ESF1: variants seen among roughly 807,000 people sequenced by gnomAD.
The protein encoded by ESF1 is ESF1 nucleolar pre-rRNA processing protein.
In ESF1, 58 loss-of-function variants were observed where a neutral mutation model predicts 92.0. That is an observed-to-expected ratio of 0.63 (90% confidence interval 0.51 to 0.78). ESF1 has a LOEUF of 0.78. Among genes scored for constraint, ESF1 ranks in the 30% least tolerant of loss-of-function variants. ESF1 has a pLI of 0.00. For synonymous variants in ESF1, 321 were observed against 313.7 expected (o/e 1.02, Z -0.24); for missense variants, 922 against 989.1 (o/e 0.93, Z 0.91).
chr20:13,768,107 T>C (rs1379786611), intron 7 of ESF1, among the ~76,000 whole-genome samples: 1 of 152,242 alleles, frequency 6.6e-6, no homozygotes, highest in East Asian at 1.9e-4. Flanking sequence ...CTGAATTTTT[T>C]AGACTTTGCT....
chr20:13,779,961 C>T (rs1212967256), intron 2 of ESF1, among the ~76,000 whole-genome samples: 1 of 152,222 alleles, frequency 6.6e-6, no homozygotes, highest in East Asian at 1.9e-4. Flanking sequence ...ACAAATATCA[C>T]ACTGCAAGTC....
chr20:13,731,926 G>A (rs1395004312), intron 10 of ESF1, among the ~76,000 whole-genome samples: 1 of 152,200 alleles, frequency 6.6e-6, no homozygotes, highest in Non-Finnish European at 1.5e-5. Context: ...CGCCCAGGGA[G>A]GCATGGAAGC....
At chr20:13,777,101 T>G (rs573484629) in intron 2 of ESF1, among the ~76,000 whole-genome samples, 37 of 152,186 alleles carry the variant, frequency 2.4e-4, no homozygotes, top group Non-Finnish European at 4.1e-4. Flanking sequence ...GACTATACTG[T>G]AGAAAACTGA....
At position 13,725,548 on chromosome 20, in the gene ESF1, G is replaced by C. The variant is rs538536829; in HGVS notation, c.2038+2830C>G. Among the ~76,000 whole-genome samples the C allele has an allele frequency of 5.9e-5, 9 of 152,208 alleles. No individual in the cohort carries two copies. In the South Asian group the frequency reaches 1.9e-3, roughly 32 times the overall value. ...ACCTCTACCACCTCACCAAGTGTCT[G>C]TGAGCCACTACATTAATACTGTTCC... On this transcript the variant is annotated intron_variant, in intron 11 of 13. Coordinates refer to ENST00000617257, the MANE Select transcript of ESF1 (RefSeq NM_001276380.2).
chr20:13,717,948 T>A (rs2049841351), intron 12 of ESF1, among the ~76,000 whole-genome samples: 1 of 152,152 alleles, frequency 6.6e-6, no homozygotes, highest in African/African-American at 2.4e-5. Context: ...AAGTAAGTTT[T>A]TTTTTTGCTT....
At chr20:13,761,378 TAA>T (rs1204364763) in intron 8 of ESF1, among the ~76,000 whole-genome samples, 3 of 127,160 alleles carry the variant, frequency 2.4e-5, no homozygotes, top group Non-Finnish European at 5.1e-5. Flanking sequence ...AATGATCAAT[TAA>T]AAAAAAATAA....
At chr20:13,768,957 T>G (rs1979560043) in intron 7 of ESF1, among the ~76,000 whole-genome samples, 1 of 150,494 alleles carries the variant, frequency 6.6e-6, no homozygotes, top group South Asian at 2.1e-4. Flanking sequence ...AGTAATAAAC[T>G]ATTTCAATAG....
At chr20:13,734,153 A>G (rs2147734120) in intron 9 of ESF1, among the ~76,000 whole-genome samples, 1 of 152,314 alleles carries the variant, frequency 6.6e-6, no homozygotes, top group East Asian at 1.9e-4. Context: ...CTCAGCCTTC[A>G]TTTCTCTAAA....
intron 9 of ESF1, among the ~76,000 whole-genome samples, chr20:13,758,988 T>C (rs1979028627): frequency 1.3e-5 from 2 of 152,332 alleles, no homozygotes; most frequent in African/African-American, 4.8e-5. Context: ...TTAGGCACAG[T>C]AAGAGATTAA....
At chr20:13,720,083 T>C (rs1461940639) in intron 11 of ESF1, among the ~76,000 whole-genome samples, 1 of 152,160 alleles carries the variant, frequency 6.6e-6, no homozygotes, top group African/African-American at 2.4e-5. Flanking sequence ...ATCTGGAAGC[T>C]ATGTCTAGGT....
intron 9 of ESF1, among the ~76,000 whole-genome samples, chr20:13,743,113 GA>G (rs1248053082): frequency 6.6e-6 from 1 of 152,126 alleles, no homozygotes; most frequent in Non-Finnish European, 1.5e-5. Flanking sequence ...ATGTTCCAAA[GA>G]AGACATACAA....
chr20:13,717,369 T>C lies in ESF1; in HGVS notation c.2261A>G (p.Glu754Gly), dbSNP rs1236909217. 6.2e-7 allele frequency: 1 copy of C among 1,613,984 alleles called. No homozygotes were observed. The highest frequency in any genetic ancestry group is 1.7e-4 in the Middle Eastern group (1 of 6,056). Reference protein sequence around the residue: ...KKKELIEDDFEVNVNDARFQA... With the variant: ...KKKELIEDDFGVNVNDARFQA... ...GCTATGCCTGGTGTCTATGGTTACC[T>C]CAAAGTCATCCTCTATTAATTCCTT... Residue 754 changes from glutamate to glycine, a missense_variant and splice_region_variant, in exon 13 of 14, where the codon GAG (glutamate) becomes GGG (glycine). By Grantham distance (98) the Glu-to-Gly change is moderately conservative (BLOSUM62 -2). Coordinates refer to ENST00000617257, the MANE Select transcript of ESF1 (RefSeq NM_001276380.2).
At chr20:13,762,043 G>GT in intron 8 of ESF1, among the ~76,000 whole-genome samples, 1 of 151,978 alleles carries the variant, frequency 6.6e-6, no homozygotes, top group Non-Finnish European at 1.5e-5. Flanking sequence ...GATTGTCCTT[G>GT]TATCTTTTTT....
intron 11 of ESF1, among the ~76,000 whole-genome samples, chr20:13,726,386 A>G (rs2049900973): frequency 1.3e-5 from 2 of 151,940 alleles, no homozygotes; most frequent in African/African-American, 4.8e-5. Flanking sequence ...AATTCTTAAC[A>G]CCACACAGTG....
At chr20:13,754,967 G>A (rs1284351411) in intron 9 of ESF1, among the ~76,000 whole-genome samples, 3 of 152,196 alleles carry the variant, frequency 2.0e-5, no homozygotes, top group East Asian at 3.8e-4. Flanking sequence ...TACTTCCTCT[G>A]CTCACACAGT....
Position 13,782,673 on chromosome 20 carries a change from C to T in ESF1, c.468G>A (p.Lys156=), listed in dbSNP as rs1343272628. ...FKIDSNISPK[K]DSKEFTQKNK... is the part of the protein sequence containing the mutation. ...TTTTTTGTGTAAATTCTTTGCTATC[C>T]TTCTTCGGACTTATGTTTGAATCTA... The change falls in exon 2 of 14, where the codon AAG becomes AAA. Residue 156 remains lysine (K), a synonymous_variant. Transcript: ENST00000617257. 1.9e-6 allele frequency: 3 copies of T among 1,598,894 alleles called. No individual in the cohort carries two copies. The highest frequency in any genetic ancestry group is 1.7e-6 in the Non-Finnish European group (2 of 1,175,424).
intron 11 of ESF1, among the ~76,000 whole-genome samples, chr20:13,719,765 G>GA (rs2049854985): frequency 6.6e-6 from 1 of 151,808 alleles, no homozygotes; most frequent in Non-Finnish European, 1.5e-5. Context: ...AAGAGACAAA[G>GA]AAAAAACCCC....
chr20:13,775,294 A>G (rs1158171756), intron 3 of ESF1, 24 bp from the exon 4 acceptor site: 2 of 1,396,584 alleles, frequency 1.4e-6, no homozygotes. Context: ...AGAATTAAAT[A>G]GTACATAATC....
chr20:13,763,273 G>A (rs1568724314), intron 8 of ESF1, among the ~76,000 whole-genome samples: 2 of 152,240 alleles, frequency 1.3e-5, no homozygotes, highest in Admixed American at 6.5e-5. Flanking sequence ...ATGGAAGAAA[G>A]ATATAGGGGG....
Sources: allele counts gnomAD v4.1 joint callset (sites outside exome capture counted in the v4.1 genomes callset), GRCh38; gene constraint gnomAD v4.1.1; transcripts MANE v1.5; gene names NCBI Gene and HGNC (gene_info 2026-07-23, HGNC 2026-07-21).